PRKCQ: variants seen among roughly 807,000 people sequenced by gnomAD.
PRKCQ encodes protein kinase C theta type.
A neutral mutation model predicts 91.2 loss-of-function variants in PRKCQ; 41 were observed. The observed-to-expected ratio is 0.45, with a 90% CI of 0.35 to 0.58. PRKCQ has a LOEUF of 0.58. Ranked by LOEUF, PRKCQ falls within the 20% of genes least tolerant of loss-of-function variation. PRKCQ has a pLI of 0.00. For synonymous variants in PRKCQ, 307 were observed against 316.9 expected (o/e 0.97, Z 0.33); for missense variants, 673 against 896.5 (o/e 0.75, Z 3.18).
intron 13 of PRKCQ, 28 bp from the exon 14 acceptor site, chr10:6,462,393 A>G (rs770057692): frequency 2.5e-6 from 4 of 1,606,688 alleles, no homozygotes; most frequent in Non-Finnish European, 3.4e-6. Flanking sequence ...AAGGTTCAAC[A>G]TGAATGTTGT....
chr10:6,578,926 A>C (rs949575032), intron 1 of PRKCQ, among the ~76,000 whole-genome samples: 12 of 152,206 alleles, frequency 7.9e-5, no homozygotes, highest in African/African-American at 2.9e-4. Context: ...CCAGGACCTT[A>C]GGAATAGGGC....
intron 8 of PRKCQ, among the ~76,000 whole-genome samples, chr10:6,488,802 C>T (rs1487405984): frequency 6.6e-6 from 1 of 151,090 alleles, no homozygotes; most frequent in Non-Finnish European, 1.5e-5. Context: ...GTTCTTGAGA[C>T]AGGGTCTTGC....
At chr10:6,498,342 G>C in intron 5 of PRKCQ, 54 bp downstream of exon 5, 1 of 1,584,942 alleles carries the variant, frequency 6.3e-7, no homozygotes, top group Non-Finnish European at 8.7e-7. Flanking sequence ...GGATTAAGAA[G>C]ACGCAACAAA....
intron 16 of PRKCQ, among the ~76,000 whole-genome samples, chr10:6,439,808 G>A (rs1833876669): frequency 6.6e-6 from 1 of 152,126 alleles, no homozygotes; most frequent in South Asian, 2.1e-4. Context: ...TAGGTTATTG[G>A]TGGTCGTTTT....
At chr10:6,575,867 C>G (rs1468286371) in intron 1 of PRKCQ, among the ~76,000 whole-genome samples, 1 of 152,052 alleles carries the variant, frequency 6.6e-6, no homozygotes, top group Admixed American at 6.5e-5. Context: ...TGGTGAAACC[C>G]CATCTCTACT....
intron 8 of PRKCQ, among the ~76,000 whole-genome samples, chr10:6,489,892 G>A (rs1415570056): frequency 6.6e-6 from 1 of 152,120 alleles, no homozygotes; most frequent in East Asian, 1.9e-4. Context: ...TCTAAGCTGT[G>A]CCGCGGCGCT....
the PRKCQ span, among the ~76,000 whole-genome samples, chr10:6,398,922 TA>T: frequency 2.0e-5 from 3 of 151,668 alleles, no homozygotes; most frequent in East Asian, 3.9e-4. Context: ...CCCAACTAAT[TA>T]AAAAAAAATT....
chr10:6,451,856 G>A (rs1452877373), intron 15 of PRKCQ, among the ~76,000 whole-genome samples: 2 of 152,136 alleles, frequency 1.3e-5, no homozygotes, highest in Admixed American at 1.3e-4. Flanking sequence ...TGCAGAAAAG[G>A]CCTTTGACAA....
chr10:6,416,657 T>C, the PRKCQ span, among the ~76,000 whole-genome samples: 1 of 152,232 alleles, frequency 6.6e-6, no homozygotes, highest in East Asian at 1.9e-4. Flanking sequence ...AGTTGTGAAT[T>C]GTGCTGTTAT....
intron 15 of PRKCQ, among the ~76,000 whole-genome samples, chr10:6,449,411 C>T (rs1038670862): frequency 2.6e-5 from 4 of 152,064 alleles, no homozygotes; most frequent in African/African-American, 9.7e-5. Flanking sequence ...CGAACAAAGC[C>T]TCCAAGAAAT....
chr10:6,542,501 G>A (rs1011673777), intron 1 of PRKCQ, among the ~76,000 whole-genome samples: 28 of 152,216 alleles, frequency 1.8e-4, no homozygotes, highest in African/African-American at 6.5e-4. Context: ...TATTTTGGCA[G>A]AAGCAATAAA....
chr10:6,419,530 T>A, the PRKCQ span, among the ~76,000 whole-genome samples: 1 of 152,210 alleles, frequency 6.6e-6, no homozygotes, highest in Non-Finnish European at 1.5e-5. Flanking sequence ...GCATTTACAT[T>A]ATCATTACTC....
In PRKCQ at chr10:6,504,911, T is replaced by C. The variant is rs1838104815; in HGVS notation, c.379+2525A>G. On this transcript the variant is annotated intron_variant, in intron 4 of 17. Transcript: ENST00000263125. ...CAAAGATTTATTCTTTTTTTTTTTTTGAGATGGTGTCTCACTCTGTCTCCC... is the reference window on the plus strand; with the variant it reads ...CAAAGATTTATTCTTTTTTTTTTTTCGAGATGGTGTCTCACTCTGTCTCCC... Among the ~76,000 whole-genome samples, 5 of 151,880 alleles carry C rather than the reference T, an allele frequency of 3.3e-5. No individual in the cohort carries two copies. The South Asian group carries it at 1.0e-3, about 32-fold the overall frequency.
At chr10:6,504,454 T>C (rs1838080719) in intron 4 of PRKCQ, among the ~76,000 whole-genome samples, 1 of 152,242 alleles carries the variant, frequency 6.6e-6, no homozygotes, top group South Asian at 2.1e-4. Flanking sequence ...CAAGGCATAT[T>C]CTTGCTCAAG....
chr10:6,556,259 C>T (rs1319626670), intron 1 of PRKCQ, among the ~76,000 whole-genome samples: 2 of 151,930 alleles, frequency 1.3e-5, no homozygotes, highest in Non-Finnish European at 2.9e-5. Context: ...GCAAAACTCA[C>T]ATCTCTACAA....
At chr10:6,556,650 G>A (rs1422998244) in intron 1 of PRKCQ, among the ~76,000 whole-genome samples, 1 of 110,632 alleles carries the variant, frequency 9.0e-6, no homozygotes, top group Non-Finnish European at 1.9e-5. Flanking sequence ...CACTTAAAGT[G>A]GTTAAAATTG....
chr10:6,567,460 G>A (rs115580088), intron 1 of PRKCQ, among the ~76,000 whole-genome samples: 4,985 of 152,316 alleles, frequency 0.033, 256 homozygotes, highest in African/African-American at 0.11. Context: ...ACAGTAAGAC[G>A]CGTCACCCGA....
intron 1 of PRKCQ, among the ~76,000 whole-genome samples, chr10:6,550,527 G>A (rs1408170764): frequency 6.6e-6 from 1 of 152,234 alleles, no homozygotes; most frequent in Non-Finnish European, 1.5e-5. Flanking sequence ...GCCTGCCTCA[G>A]CCTCCCAAAG....
chr10:6,446,395 C>T lies in PRKCQ; in HGVS notation c.1648-4314G>A, dbSNP rs189528241. Among the ~76,000 whole-genome samples, 448 of 128,994 alleles carry T rather than the reference C, an allele frequency of 3.5e-3. 2 individuals carry two copies. The highest frequency in any genetic ancestry group is 0.013 in the African/African-American group (427 of 33,776). The allele number at this position is 128,994 out of a possible 152,430, so 84.6% of individuals were successfully genotyped here. A position where few individuals can be genotyped will look rare whatever the true frequency, so the allele number is the denominator to read the frequency against. On this transcript the variant is annotated intron_variant, in intron 15 of 17. Coordinates refer to ENST00000263125, the MANE Select transcript of PRKCQ (RefSeq NM_006257.5). The stretch of plus-strand genomic sequence containing the variant: ...TTTTTTTTTTTTGGAGACAGAGTCT[C>T]GCTTATGTTGGCCAGGCTGGAGTGC...
Sources: gnomAD v4.1 joint callset for allele counts (sites outside exome capture counted in the v4.1 genomes callset) on GRCh38, gnomAD v4.1.1 for gene constraint, MANE v1.5 for transcripts, NCBI Gene and HGNC (gene_info 2026-07-23, HGNC 2026-07-21) for gene names.